TMEM98: variants seen among roughly 807,000 people sequenced by gnomAD.
TMEM98 encodes transmembrane protein 98.
Under a neutral mutation model 25.0 loss-of-function variants are expected in TMEM98, and 18 were observed. The ratio of observed to expected loss-of-function variants is 0.72; its 90% CI spans 0.50 to 1.07. The LOEUF (loss-of-function observed/expected upper bound fraction) is 1.07. Among genes scored for constraint, TMEM98 ranks in the 50% least tolerant of loss-of-function variants. TMEM98 has a pLI of 0.00. For synonymous variants in TMEM98, 103 were observed against 112.4 expected (o/e 0.92, Z 0.53); for missense variants, 241 against 289.0 (o/e 0.83, Z 1.20).
intron 6 of TMEM98, among the ~76,000 whole-genome samples, chr17:32,938,703 A>C (rs2091510961): frequency 6.6e-6 from 1 of 152,340 alleles, no homozygotes; most frequent in Middle Eastern, 3.4e-3. Context: ...AATGCTTATA[A>C]AAATGTGAAA....
Position 32,936,325 on chromosome 17 carries a change from G to T in TMEM98, c.298-7G>T, listed in dbSNP as rs757483596. On this transcript the variant is annotated splice_region_variant and splice_polypyrimidine_tract_variant and intron_variant, in intron 5 of 7. Coordinates refer to ENST00000579849, the MANE Select transcript of TMEM98 (RefSeq NM_015544.3). The stretch of plus-strand genomic sequence containing the variant: ...AGCCCTCATCTCTCTCCTCCCTGCC[G>T]CATTAGATTTGTCACACTCTGACAG... The T allele has an allele frequency of 1.9e-6, 3 of 1,612,036 alleles. No individual in the cohort carries two copies. Among genetic ancestry groups the T allele is most frequent in the South Asian group, 1.1e-5 (1 of 90,956 alleles).
At chr17:32,937,230 C>T (rs185336379) in intron 6 of TMEM98, among the ~76,000 whole-genome samples, 3 of 152,308 alleles carry the variant, frequency 2.0e-5, no homozygotes, top group East Asian at 3.9e-4. Flanking sequence ...GAAACAATGG[C>T]ACTGCTGTGA....
chr17:32,936,896 C>T (rs2091499548), intron 6 of TMEM98, among the ~76,000 whole-genome samples: 1 of 152,256 alleles, frequency 6.6e-6, no homozygotes, highest in Non-Finnish European at 1.5e-5. Flanking sequence ...TGCTCCATCC[C>T]TGGCCCAGGC....
chr17:32,928,271 G>T (rs2091442962), intron 1 of TMEM98, 34 bp downstream of exon 1: 1 of 150,508 alleles, frequency 6.6e-6, no homozygotes, highest in African/African-American at 2.4e-5. Context: ...GCGGGCCGCG[G>T]CGAGTCGGGG....
intron 3 of TMEM98, among the ~76,000 whole-genome samples, chr17:32,932,565 C>T (rs1259074987): frequency 6.6e-6 from 1 of 152,172 alleles, no homozygotes; most frequent in African/African-American, 2.4e-5. Context: ...TCAAGTGGTT[C>T]ATAATTTATA....
In TMEM98 at chr17:32,942,793, CT is replaced by C. The variant is rs1209631787; in HGVS notation, c.*1804del. 6.6e-6 allele frequency: 1 copy of C among 152,176 alleles called. No individual in the cohort carries two copies. The highest frequency in any genetic ancestry group is 1.5e-5 in the Non-Finnish European group (1 of 68,022). The allele number at this position is 152,176 out of a possible 1,614,324, so 9.4% of individuals were successfully genotyped here. On this transcript the variant is annotated 3_prime_UTR_variant, in exon 8 of 8. Transcript: ENST00000579849. ...GGGAATGTATACAAAGTCACTTTGA[CT>C]TTTCTATTTGAGGCCTCCACAGTAA... is the stretch of plus-strand genomic sequence containing the variant.
chr17:32,937,816 C>G (rs2091505073), intron 6 of TMEM98, among the ~76,000 whole-genome samples: 1 of 152,096 alleles, frequency 6.6e-6, no homozygotes, highest in Non-Finnish European at 1.5e-5. Flanking sequence ...ATCTCAAACT[C>G]CTGACCTCAG....
At position 32,934,312 on chromosome 17, in the gene TMEM98, T is replaced by G. The variant is rs1201770988; in HGVS notation, c.285T>G (p.Ile95Met). 6.2e-7 allele frequency: 1 copy of G among 1,614,120 alleles called. No individual in the cohort carries two copies. ...EDASGLMSHC[I>M]AILKICHTLT... ...CCAGGGGTCTCATGTCCCACTGCAT[T>G]GCCATCTTGAAGGTAACCCTCTCTT... The change falls in exon 5 of 8, where the codon ATT becomes ATG. Residue 95 changes from isoleucine to methionine, a missense_variant. By Grantham distance (10) the Ile-to-Met change is conservative (BLOSUM62 1). Transcript: ENST00000579849.
rs1387291944 is a variant in TMEM98 at position 32,944,230 on chromosome 17, T to C, written c.*3237T>C. 1 of 152,284 alleles carries C rather than the reference T, an allele frequency of 6.6e-6. No homozygotes were observed. The highest frequency in any genetic ancestry group is 2.4e-5 in the African/African-American group (1 of 41,474). The allele number at this position is 152,284 out of a possible 1,614,324, so 9.4% of individuals were successfully genotyped here. On this transcript the variant is annotated 3_prime_UTR_variant, in exon 8 of 8. Transcript: ENST00000579849. ...AGTTCAAAGGCCCTGCATTGCTTTA[T>C]GGCCTTGGAAATGTGGGGAAAGTGT...
intron 7 of TMEM98, among the ~76,000 whole-genome samples, 189 bp from the exon 8 acceptor site, chr17:32,940,597 A>G (rs1485518313): frequency 2.6e-5 from 4 of 152,172 alleles, no homozygotes; most frequent in African/African-American, 9.7e-5. Flanking sequence ...GCTTCAGTTA[A>G]CCATGTTTAA....
chr17:32,936,126 C>T (rs1391275669), intron 5 of TMEM98, among the ~76,000 whole-genome samples: 1 of 152,162 alleles, frequency 6.6e-6, no homozygotes, highest in Non-Finnish European at 1.5e-5. Flanking sequence ...ATCTGCGGCT[C>T]CCACCCCAGG....
In TMEM98 at chr17:32,931,495, G is replaced by A. The variant is rs768203786; in HGVS notation, c.-34G>A. The A allele has an allele frequency of 1.3e-6, 2 of 1,598,492 alleles. No individual in the cohort carries two copies. Among genetic ancestry groups the A allele is most frequent in the South Asian group, 2.3e-5 (2 of 88,300 alleles). On this transcript the variant is annotated 5_prime_UTR_variant, in exon 3 of 8. It adds an upstream start codon to the 5' untranslated region. Transcript: ENST00000579849. ...TCAAGCTTTAGCCCATGAGGAGGATGTGACCGGGACTGAGTCAGGAGCCCT... is the reference window on the plus strand; with the variant it reads ...TCAAGCTTTAGCCCATGAGGAGGATATGACCGGGACTGAGTCAGGAGCCCT...
At chr17:32,934,473 TCCC>T (rs71362867) in intron 5 of TMEM98, 149 bp downstream of exon 5, 11 of 769,570 alleles carry the variant, frequency 1.4e-5, no homozygotes, top group Non-Finnish European at 2.4e-5. Context: ...GTGGTTTACT[TCCC>T]CCCCTGCCTG....
chr17:32,935,213 A>G (rs1282902490), intron 5 of TMEM98, among the ~76,000 whole-genome samples: 1 of 152,234 alleles, frequency 6.6e-6, no homozygotes, highest in Non-Finnish European at 1.5e-5. Context: ...GGAAGTTATT[A>G]TCTCAGAGTC....
chr17:32,933,380 C>G, intron 4 of TMEM98, 75 bp downstream of exon 4: 2 of 1,585,854 alleles, frequency 1.3e-6, no homozygotes, highest in Non-Finnish European at 1.7e-6. Flanking sequence ...TGCCAGAGCA[C>G]TTAGCTGGCA....
chr17:32,931,565 G>A lies in TMEM98; in HGVS notation c.37G>A (p.Ala13Thr), dbSNP rs1176640137. 22 of 1,604,986 alleles carry A rather than the reference G, an allele frequency of 1.4e-5. No homozygotes were observed. The highest frequency in any genetic ancestry group is 1.9e-5 in the Non-Finnish European group (22 of 1,176,090). Residue 13 changes from alanine (A) to threonine (T), a missense_variant, in exon 3 of 8, where the codon GCC (alanine) becomes ACC (threonine). By Grantham distance (58) the Ala-to-Thr change is moderately conservative. Transcript: ENST00000579849. Reference sequence around the variant, plus strand: ...GGTGATTGTTGCCATAGGTGTGCTGGCCACCATCTTTCTGGCTTCGTTTGC... The same window carrying A: ...GGTGATTGTTGCCATAGGTGTGCTGACCACCATCTTTCTGGCTTCGTTTGC... ...TVVIVAIGVL[A>T]TIFLASFAAL...
At chr17:32,932,069 G>A (rs1262610807) in intron 3 of TMEM98, among the ~76,000 whole-genome samples, 2 of 149,082 alleles carry the variant, frequency 1.3e-5, no homozygotes, top group Admixed American at 1.3e-4. Context: ...CCCAACTTAG[G>A]ACTGTTTCTC....
Position 32,931,401 on chromosome 17 carries a change from A to C in TMEM98, c.-56A>C, listed in dbSNP as rs1342792573. The C allele has an allele frequency of 7.5e-7, 1 of 1,335,018 alleles. No homozygotes were observed. Among genetic ancestry groups the C allele is most frequent in the Non-Finnish European group, 1.0e-6 (1 of 999,500 alleles). The allele number at this position is 1,335,018 out of a possible 1,614,324, so 82.7% of individuals were successfully genotyped here. On this transcript the variant is annotated splice_region_variant and 5_prime_UTR_variant, in exon 2 of 8. Transcript: ENST00000579849. ...TCTTCCCCAATTTGCCACTTCCAGC[A>C]GGTAAGACCCACCTGTCCCACTCTC...
chr17:32,931,978 C>T (rs2091472209), intron 3 of TMEM98, among the ~76,000 whole-genome samples: 1 of 152,188 alleles, frequency 6.6e-6, no homozygotes, highest in Non-Finnish European at 1.5e-5. Context: ...AATCACTTTC[C>T]AGCCAGACCC....
Sources: allele counts gnomAD v4.1 joint callset (sites outside exome capture counted in the v4.1 genomes callset), GRCh38; gene constraint gnomAD v4.1.1; transcripts MANE v1.5; gene names NCBI Gene and HGNC (gene_info 2026-07-23, HGNC 2026-07-21).